The following EYS variants were observed in gnomAD, a reference collection of about 807,000 sequenced individuals.
EYS encodes protein eyes shut homolog.
A neutral mutation model predicts 282.1 loss-of-function variants in EYS; 250 were observed. The observed-to-expected ratio is 0.89, with a 90% CI of 0.80 to 0.98. The LOEUF is 0.98. EYS is among the 50% of genes least tolerant of loss of function. The pLI is 0.00. For missense variants in EYS, 4,016 were observed against 3,709.0 expected (o/e 1.08, Z -2.15); for synonymous variants, 1,355 against 1,282.9 (o/e 1.06, Z -1.20).
intron 7 of EYS, among the ~76,000 whole-genome samples, chr6:65,400,888 T>C (rs1428920578): frequency 6.6e-6 from 1 of 151,888 alleles, no homozygotes; most frequent in Non-Finnish European, 1.5e-5. Context: ...AGTTGGAAGG[T>C]ATAAGACAAT....
intron 11 of EYS, among the ~76,000 whole-genome samples, chr6:65,320,969 C>G (rs1769458672): frequency 6.6e-6 from 1 of 152,164 alleles, no homozygotes; most frequent in Non-Finnish European, 1.5e-5. Context: ...CTGACTTCTC[C>G]CTCTGCTCAA....
At chr6:64,539,034 T>A (rs961519970) in intron 26 of EYS, among the ~76,000 whole-genome samples, 1 of 152,176 alleles carries the variant, frequency 6.6e-6, no homozygotes, top group African/African-American at 2.4e-5. Context: ...GTCATATAAA[T>A]GTGGAATCAT....
At chr6:64,579,355 C>T (rs1347545051) in intron 26 of EYS, among the ~76,000 whole-genome samples, 2 of 152,164 alleles carry the variant, frequency 1.3e-5, no homozygotes, top group African/African-American at 4.8e-5. Context: ...GGATTTCACA[C>T]ACTCAAATTC....
chr6:63,788,752 T>C (rs1770432511), intron 38 of EYS, among the ~76,000 whole-genome samples: 1 of 152,214 alleles, frequency 6.6e-6, no homozygotes, highest in African/African-American at 2.4e-5. Context: ...ACTACTTGCA[T>C]TCCTTAAGCT....
chr6:64,950,792 C>CATATAT (rs762177788), intron 14 of EYS, among the ~76,000 whole-genome samples: 1,052 of 60,464 alleles, frequency 0.017, 22 homozygotes, highest in Non-Finnish European at 0.022. Flanking sequence ...TACACATATA[C>CATATAT]ATATACATAT....
chr6:65,148,932 G>A (rs1240508160), intron 12 of EYS, among the ~76,000 whole-genome samples: 15 of 152,078 alleles, frequency 9.9e-5, no homozygotes, highest in Admixed American at 9.8e-4. Context: ...AGCCATGGTT[G>A]GAGATGAAGC....
chr6:63,975,000 C>T (rs1007216499), intron 35 of EYS, among the ~76,000 whole-genome samples: 5 of 151,642 alleles, frequency 3.3e-5, no homozygotes, highest in Non-Finnish European at 7.4e-5. Flanking sequence ...TTATAAGCAA[C>T]TAAAAACCCT....
At chr6:65,165,398 T>G (rs1764949717) in intron 12 of EYS, among the ~76,000 whole-genome samples, 1 of 151,108 alleles carries the variant, frequency 6.6e-6, no homozygotes, top group African/African-American at 2.4e-5. Context: ...CTACTTGTAA[T>G]AAATTCAGAA....
intron 8 of EYS, among the ~76,000 whole-genome samples, chr6:65,381,847 AAGAATTTTAAAAATC>A (rs2150349842): frequency 6.6e-6 from 1 of 152,108 alleles, no homozygotes; most frequent in East Asian, 1.9e-4. Context: ...TCTTAATTTT[AAGAATTTTAAAAATC>A]AGAATTTTAT....
intron 1 of EYS, among the ~76,000 whole-genome samples, chr6:65,684,458 C>T (rs1261395415): frequency 6.6e-6 from 1 of 152,014 alleles, no homozygotes; most frequent in African/African-American, 2.4e-5. Flanking sequence ...CCAGCACCTT[C>T]TTTCTCAAAC....
chr6:64,211,180 A>G (rs957645509), intron 31 of EYS, among the ~76,000 whole-genome samples: 8 of 152,164 alleles, frequency 5.3e-5, no homozygotes, highest in African/African-American at 1.7e-4. Flanking sequence ...CTATCCGTCT[A>G]TCTTCCATTG....
chr6:64,394,456 G>A (rs149026006), intron 28 of EYS, among the ~76,000 whole-genome samples: 7 of 151,858 alleles, frequency 4.6e-5, no homozygotes, highest in Admixed American at 2.0e-4. Flanking sequence ...GAACAGAATA[G>A]AGCCCTCCGA....
intron 22 of EYS, among the ~76,000 whole-genome samples, chr6:64,649,192 T>C (rs758054169): frequency 3.9e-5 from 6 of 152,186 alleles, no homozygotes; most frequent in Non-Finnish European, 5.9e-5. Flanking sequence ...AAAGACACTT[T>C]ACCATCATAA....
At chr6:64,485,099 A>T (rs2150501995) in intron 26 of EYS, among the ~76,000 whole-genome samples, 1 of 151,774 alleles carries the variant, frequency 6.6e-6, no homozygotes, top group East Asian at 2.0e-4. Context: ...CCCCCAAAAA[A>T]GGAAAGAAAG....
intron 26 of EYS, among the ~76,000 whole-genome samples, chr6:64,521,196 A>G (rs1777722771): frequency 6.6e-6 from 1 of 151,844 alleles, no homozygotes; most frequent in Non-Finnish European, 1.5e-5. Flanking sequence ...ACTTGTTACA[A>G]GAATACACTC....
intron 1 of EYS, among the ~76,000 whole-genome samples, chr6:65,665,497 G>A (rs1236528684): frequency 6.6e-6 from 1 of 152,100 alleles, no homozygotes; most frequent in Non-Finnish European, 1.5e-5. Context: ...AAGGTTTTAT[G>A]AGAATTACAG....
intron 26 of EYS, among the ~76,000 whole-genome samples, chr6:64,484,726 C>T (rs1233792255): frequency 1.3e-5 from 2 of 151,542 alleles, no homozygotes; most frequent in African/African-American, 4.8e-5. Context: ...ATTAAGTACC[C>T]CAAATTCCAG....
chr6:64,637,559 A>G (rs1052344283), intron 22 of EYS, among the ~76,000 whole-genome samples: 1 of 89,294 alleles, frequency 1.1e-5, no homozygotes, highest in Admixed American at 1.2e-4. Flanking sequence ...TAACCTGCAC[A>G]TTGTGCACAT....
intron 26 of EYS, among the ~76,000 whole-genome samples, chr6:64,552,110 T>G (rs377453019): frequency 6.6e-6 from 1 of 152,192 alleles, no homozygotes; most frequent in East Asian, 1.9e-4. Context: ...AAACCCTAGT[T>G]CAGGCCATGA....
Sources: allele counts gnomAD v4.1 joint callset (sites outside exome capture counted in the v4.1 genomes callset), GRCh38; gene constraint gnomAD v4.1.1; transcripts MANE v1.5; gene names NCBI Gene and HGNC (gene_info 2026-07-23, HGNC 2026-07-21).